The following ASCC3 variants were observed in gnomAD, a reference collection of about 807,000 sequenced individuals.
The protein encoded by ASCC3 is activating signal cointegrator 1 complex subunit 3, also known as ASC-1 complex subunit P200.
A neutral mutation model predicts 256.3 loss-of-function variants in ASCC3; 158 were observed. That is an observed-to-expected ratio of 0.62 (90% CI 0.54 to 0.70). ASCC3 has a LOEUF of 0.70. Among genes scored for constraint, ASCC3 ranks in the 30% least tolerant of loss-of-function variants. ASCC3 has a pLI of 0.00. For missense variants in ASCC3, 2,259 were observed against 2,626.0 expected, an observed-to-expected ratio of 0.86 and a Z score of 3.05; for synonymous variants, 948 against 883.4, an observed-to-expected ratio of 1.07 and a Z score of -1.30.
intron 24 of ASCC3, among the ~76,000 whole-genome samples, chr6:100,641,275 A>T (rs140849324): frequency 1.5e-3 from 222 of 152,324 alleles, no homozygotes; most frequent in Non-Finnish European, 5.7e-4. Flanking sequence ...GTTGAAGATT[A>T]CCACGTACCC....
intron 10 of ASCC3, among the ~76,000 whole-genome samples, chr6:100,731,764 A>C (rs756581982): frequency 7.2e-5 from 11 of 152,208 alleles, no homozygotes; most frequent in Non-Finnish European, 1.0e-4. Context: ...CCAAACCAAA[A>C]CAAAACACAA....
chr6:100,643,654 T>C (rs1775238313), intron 23 of ASCC3, among the ~76,000 whole-genome samples: 2 of 152,166 alleles, frequency 1.3e-5, no homozygotes, highest in African/African-American at 4.8e-5. Flanking sequence ...TGTTATTGTA[T>C]TGAATATTTT....
intron 20 of ASCC3, among the ~76,000 whole-genome samples, chr6:100,648,635 G>C (rs1311104477): frequency 6.6e-6 from 1 of 151,830 alleles, no homozygotes; most frequent in Admixed American, 6.6e-5. Flanking sequence ...TGACTGAATG[G>C]GTCTTTATAA....
Position 100,654,275 on chromosome 6 carries a change from T to C in ASCC3, c.2824-1386A>G, listed in dbSNP as rs369930497. On this transcript the variant is annotated intron_variant, in intron 17 of 41. Transcript: ENST00000369162. Reference sequence around the variant, plus strand: ...AGAGTTTTGTGGCCACAAATTTGTATTGAGTAATAACATTAAAACACACAA... The same window carrying C: ...AGAGTTTTGTGGCCACAAATTTGTACTGAGTAATAACATTAAAACACACAA... 2.4e-3 allele frequency among the ~76,000 whole-genome samples: 370 copies of C among 151,420 alleles called. 2 individuals are homozygous for C. Among genetic ancestry groups the C allele is most frequent in the African/African-American group, 8.5e-3 (352 of 41,254 alleles).
intron 36 of ASCC3, among the ~76,000 whole-genome samples, chr6:100,546,344 T>A (rs543604646): frequency 6.6e-6 from 1 of 152,326 alleles, no homozygotes; most frequent in East Asian, 1.9e-4. Flanking sequence ...AGGCCCTATG[T>A]TGTGTGTATT....
At chr6:100,712,120 A>T (rs531083280) in intron 13 of ASCC3, among the ~76,000 whole-genome samples, 1 of 152,354 alleles carries the variant, frequency 6.6e-6, no homozygotes, top group South Asian at 2.1e-4. Context: ...AATTAACTTA[A>T]AATGGATCAA....
rs1769852687 is a variant in ASCC3, at chr6:100,800,368, C to T, written c.1059G>A (p.Lys353=). ...EEKRIARREK[K]AGEDLEVSEG... ...CTGAAACTTCTAAATCTTCTCCAGC[C>T]TTTTTTTCTCGTCTGGCAATTCTTT... Residue 353 remains lysine, a synonymous_variant, in exon 6 of 42, where the codon AAG becomes AAA. Coordinates refer to ENST00000369162, the MANE Select transcript of ASCC3 (RefSeq NM_006828.4). 6.2e-7 allele frequency: 1 copy of T among 1,612,870 alleles called. No homozygotes were observed. Among genetic ancestry groups the T allele is most frequent in the African/African-American group, 1.3e-5 (1 of 74,840 alleles).
chr6:100,679,714 TC>T lies in ASCC3; in HGVS notation c.2189del (p.Arg730LysfsTer6). 6.2e-7 allele frequency: 1 copy of T among 1,613,666 alleles called. No homozygotes were observed. The highest frequency in any genetic ancestry group is 8.5e-7 in the Non-Finnish European group (1 of 1,179,726). ...CTCTTTCTATTAGAGACATAGCTGT[TC>T]TTACAGTGGCATTTCGAGCATGTAC... ...VFVHARNATV[R>X]TAMSLIERAK... On this transcript the variant is annotated frameshift_variant, in exon 14 of 42. Coordinates refer to ENST00000369162, the MANE Select transcript of ASCC3 (RefSeq NM_006828.4). LOFTEE classifies it high-confidence loss of function.
chr6:100,755,986 T>C (rs1362622779), intron 10 of ASCC3, among the ~76,000 whole-genome samples: 1 of 152,014 alleles, frequency 6.6e-6, no homozygotes, highest in Non-Finnish European at 1.5e-5. Context: ...TCAAAAAATA[T>C]ATATTTATGT....
chr6:100,537,408 A>G (rs1338965509), intron 37 of ASCC3, among the ~76,000 whole-genome samples: 1 of 152,162 alleles, frequency 6.6e-6, no homozygotes, highest in Non-Finnish European at 1.5e-5. Flanking sequence ...AGGCGACATG[A>G]CAACTAAATG....
intron 10 of ASCC3, among the ~76,000 whole-genome samples, chr6:100,732,868 T>G (rs896689546): frequency 8.5e-5 from 13 of 152,200 alleles, no homozygotes; most frequent in Non-Finnish European, 1.9e-4. Context: ...AGTGTAGTGT[T>G]AGAGCCAAGT....
At chr6:100,700,960 C>A (rs1341314938) in intron 13 of ASCC3, among the ~76,000 whole-genome samples, 2 of 152,000 alleles carry the variant, frequency 1.3e-5, no homozygotes, top group Non-Finnish European at 2.9e-5. Flanking sequence ...GTTGGGAAGG[C>A]ATGATTGGTT....
intron 14 of ASCC3, among the ~76,000 whole-genome samples, chr6:100,678,282 C>T (rs942713417): frequency 6.6e-5 from 10 of 152,050 alleles, no homozygotes; most frequent in Non-Finnish European, 1.3e-4. Context: ...TTGTTTTGTA[C>T]TTCCAAAGAA....
In ASCC3 at chr6:100,650,591, G is replaced by A. The variant is rs1400113359; in HGVS notation, c.3199C>T (p.Arg1067Ter). The A allele has an allele frequency of 9.3e-6, 15 of 1,612,568 alleles. No individual in the cohort carries two copies. The highest frequency in any genetic ancestry group is 2.2e-5 in the East Asian group (1 of 44,772). Residue 1067 changes from arginine to a stop codon, truncating the protein, a stop_gained, in exon 20 of 42, where the codon CGA becomes TGA. Transcript: ENST00000369162. LOFTEE classifies it high-confidence loss of function. The stretch of plus-strand genomic sequence containing the variant: ...AGGGAGAAACTGTCCATTTCTCCTC[G>A]GCTGATATAAGTTTGAAGTAAGATG... ...INILLQTYIS[R>*]GEMDSFSLIS...
intron 23 of ASCC3, among the ~76,000 whole-genome samples, chr6:100,643,156 T>C (rs1398432884): frequency 6.6e-6 from 1 of 152,072 alleles, no homozygotes; most frequent in Non-Finnish European, 1.5e-5. Context: ...TTGGTACAAA[T>C]AGAAGGTAAC....
intron 10 of ASCC3, among the ~76,000 whole-genome samples, chr6:100,753,424 CATG>C (rs369653615): frequency 6.7e-6 from 1 of 148,944 alleles, no homozygotes; most frequent in Non-Finnish European, 1.5e-5. Context: ...ACTAAAGTGA[CATG>C]ATAAGGAGGA....
intron 10 of ASCC3, among the ~76,000 whole-genome samples, chr6:100,751,155 A>G (rs960369260): frequency 6.6e-6 from 1 of 152,024 alleles, no homozygotes; most frequent in Non-Finnish European, 1.5e-5. Context: ...TTCTTCCTCA[A>G]GGTAGTTAGA....
intron 11 of ASCC3, among the ~76,000 whole-genome samples, chr6:100,723,723 G>A (rs887136259): frequency 1.3e-5 from 2 of 150,854 alleles, no homozygotes; most frequent in African/African-American, 4.9e-5. Flanking sequence ...TCGGAATCAA[G>A]TAGATTATGA....
intron 13 of ASCC3, among the ~76,000 whole-genome samples, chr6:100,696,727 A>AATATATTGTTGAATAATATATACT (rs1778100626): frequency 6.6e-6 from 1 of 152,164 alleles, no homozygotes; most frequent in South Asian, 2.1e-4. Flanking sequence ...AACAACAATA[A>AATATATTGTTGAATAATATATACT]ATTAATTCAA....
Sources: allele counts gnomAD v4.1 joint callset (sites outside exome capture counted in the v4.1 genomes callset), GRCh38; gene constraint gnomAD v4.1.1; transcripts MANE v1.5; gene names NCBI Gene and HGNC (gene_info 2026-07-23, HGNC 2026-07-21).